MYH11: variants seen among roughly 807,000 people sequenced by gnomAD.
MYH11 encodes the protein myosin-11.
MYH11 carries 80 observed loss-of-function variants against 246.6 expected under a neutral mutation model. The observed-to-expected ratio is 0.32, with a 90% CI of 0.27 to 0.39. MYH11 has a LOEUF of 0.39. Among genes scored for constraint, MYH11 ranks in the 10% least tolerant of loss-of-function variants. MYH11 has a pLI of 1.00. For missense variants in MYH11, 2,158 were observed against 2,546.8 expected (o/e 0.85, Z 3.29); for synonymous variants, 1,071 against 1,015.5 (o/e 1.05, Z -1.04).
At chr16:15,708,105 A>C (rs2039564950) in intron 40 of MYH11, among the ~76,000 whole-genome samples, 1 of 152,052 alleles carries the variant, frequency 6.6e-6, no homozygotes, top group African/African-American at 2.4e-5. Context: ...CCTCCAGAAA[A>C]GGCTCTGCCA....
chr16:15,749,158 T>C (rs983097957), intron 16 of MYH11: 1 of 151,406 alleles, frequency 6.6e-6, no homozygotes, highest in Non-Finnish European at 1.5e-5. Flanking sequence ...CCTTTTTTTT[T>C]TTTTTTTTTA....
chr16:15,853,790 A>T (rs1473123086), intron 1 of MYH11, among the ~76,000 whole-genome samples: 4 of 152,186 alleles, frequency 2.6e-5, no homozygotes, highest in Non-Finnish European at 4.4e-5. Context: ...TGGGAGACCA[A>T]GCCAGGCGAA....
chr16:15,838,269 C>G lies in MYH11; in HGVS notation c.-17G>C, dbSNP rs767563168. The stretch of plus-strand genomic sequence containing the variant: ...CTGCGCCATGGTGCCTTGTTGGTCC[C>G]CTGTGGAATAAGGTAACAGGGTCAG... On this transcript the variant is annotated splice_region_variant and 5_prime_UTR_variant, in exon 2 of 41. Transcript: ENST00000300036. 1.6e-4 allele frequency: 258 copies of G among 1,612,626 alleles called. No homozygotes were observed. The highest frequency in any genetic ancestry group is 2.1e-4 in the Non-Finnish European group (251 of 1,179,066).
chr16:15,763,760 C>CCCCCAAAAAA, intron 10 of MYH11, 36 bp downstream of exon 10: 8 of 1,192,066 alleles, frequency 6.7e-6, no homozygotes, highest in African/African-American at 1.5e-5. Context: ...CCCCCAACCC[C>CCCCCAAAAAA]AAAGTCATTG....
chr16:15,771,608 C>A lies in MYH11; in HGVS notation c.994G>T (p.Ala332Ser), dbSNP rs2042103218. Residue 332 changes from alanine to serine, a missense_variant, in exon 9 of 41, where the codon GCC (alanine) becomes TCC (serine). Coordinates refer to ENST00000300036, the MANE Select transcript of MYH11 (RefSeq NM_002474.3). ...DDEMFQETVEAMAIMGFSEEE... is the reference protein window; with the variant it reads ...DDEMFQETVESMAIMGFSEEE... ...TCGCTGAAACCCATGATTGCCATGG[C>A]CTCCACGGTTTCCTGGAACATCTCA... 12 of 1,614,018 alleles carry A rather than the reference C, an allele frequency of 7.4e-6. No individual in the cohort carries two copies. The highest frequency in any genetic ancestry group is 9.3e-6 in the Non-Finnish European group (11 of 1,180,016).
At chr16:15,745,517 T>G (rs2066465228) in intron 19 of MYH11, among the ~76,000 whole-genome samples, 1 of 151,874 alleles carries the variant, frequency 6.6e-6, no homozygotes. Flanking sequence ...CACAACTATG[T>G]GCATCATTCC....
chr16:15,790,731 T>C (rs147311803), intron 4 of MYH11, among the ~76,000 whole-genome samples: 2 of 152,280 alleles, frequency 1.3e-5, no homozygotes, highest in East Asian at 3.9e-4. Context: ...GACCACGTTA[T>C]GGCCTCCTGG....
intron 3 of MYH11, among the ~76,000 whole-genome samples, chr16:15,817,965 C>A (rs751789877): frequency 4.6e-5 from 7 of 152,192 alleles, no homozygotes; most frequent in Non-Finnish European, 8.8e-5. Context: ...TCTAATAATT[C>A]ATTGATTCAA....
At chr16:15,712,218 A>G (rs1370184921) in intron 40 of MYH11, among the ~76,000 whole-genome samples, 5 of 152,270 alleles carry the variant, frequency 3.3e-5, no homozygotes, top group African/African-American at 1.2e-4. Context: ...TTAGACATCC[A>G]TGTGGGAACG....
chr16:15,835,080 C>CAA (rs111629749), intron 2 of MYH11, among the ~76,000 whole-genome samples: 2,382 of 125,140 alleles, frequency 0.019, 67 homozygotes, highest in African/African-American at 0.068. Flanking sequence ...GCCCCCATCT[C>CAA]AAAAAAAAAA....
Position 15,732,611 on chromosome 16 carries a change from C to A in MYH11, c.3604G>T (p.Ala1202Ser). The A allele has an allele frequency of 6.2e-7, 1 of 1,614,240 alleles. No homozygotes were observed. The highest frequency in any genetic ancestry group is 8.5e-7 in the Non-Finnish European group (1 of 1,180,052). ...AQVQEMRQKH[A>S]QAVEELTEQL... Reference sequence around the variant, plus strand: ...TCTGTGAGCTCCTCCACCGCCTGTGCGTGTTTCTGCCTCATCTCCTGGACC... The same window carrying A: ...TCTGTGAGCTCCTCCACCGCCTGTGAGTGTTTCTGCCTCATCTCCTGGACC... The change falls in exon 27 of 41, where the codon GCA becomes TCA. Residue 1202 changes from alanine to serine, a missense_variant. Coordinates refer to ENST00000300036, the MANE Select transcript of MYH11 (RefSeq NM_002474.3).
chr16:15,815,571 T>G (rs550182652), intron 3 of MYH11, among the ~76,000 whole-genome samples: 1 of 152,226 alleles, frequency 6.6e-6, no homozygotes, highest in African/African-American at 2.4e-5. Flanking sequence ...ATAAAAAGAC[T>G]TCTAAGAAAA....
Position 15,776,066 on chromosome 16 carries a change from C to T in MYH11, c.889+12G>A. 1 of 1,583,072 alleles carries T rather than the reference C, an allele frequency of 6.3e-7. No individual in the cohort carries two copies. Among genetic ancestry groups the T allele is most frequent in the Non-Finnish European group, 8.7e-7 (1 of 1,151,660 alleles). Reference sequence around the variant, plus strand: ...CAAGCCATCCAATCACATGTCATTGCTAGTCACTTACTTCTCATCTTCTCC... The same window carrying T: ...CAAGCCATCCAATCACATGTCATTGTTAGTCACTTACTTCTCATCTTCTCC... On this transcript the variant is annotated intron_variant, in intron 8 of 40. Transcript: ENST00000300036.
intron 27 of MYH11, among the ~76,000 whole-genome samples, chr16:15,731,650 C>T (rs2040965153): frequency 6.6e-6 from 1 of 151,872 alleles, no homozygotes; most frequent in South Asian, 2.1e-4. Context: ...TGCCACCACA[C>T]CCAGCTAATT....
At chr16:15,731,518 G>A (rs535181346) in intron 27 of MYH11, among the ~76,000 whole-genome samples, 4 of 150,714 alleles carry the variant, frequency 2.7e-5, no homozygotes, top group Admixed American at 1.3e-4. Flanking sequence ...TTGAGATGGC[G>A]GCTCACTCTG....
chr16:15,845,705 T>C (rs1306902008), intron 1 of MYH11, among the ~76,000 whole-genome samples: 2 of 147,226 alleles, frequency 1.4e-5, no homozygotes, highest in Non-Finnish European at 3.0e-5. Context: ...TGTGTGTGTG[T>C]GTGAGAGAGA....
intron 4 of MYH11, among the ~76,000 whole-genome samples, chr16:15,797,641 T>C (rs185172814): frequency 9.3e-5 from 14 of 150,842 alleles, no homozygotes; most frequent in East Asian, 1.9e-4. Context: ...ATATTCTATA[T>C]TTTCAAATTC....
chr16:15,706,741 G>T (rs2039478616), intron 40 of MYH11, among the ~76,000 whole-genome samples: 1 of 152,040 alleles, frequency 6.6e-6, no homozygotes, highest in African/African-American at 2.4e-5. Flanking sequence ...GAGCTGGGAA[G>T]TAGTCCCTAA....
At chr16:15,815,435 TG>T (rs1208000776) in intron 3 of MYH11, among the ~76,000 whole-genome samples, 1 of 151,890 alleles carries the variant, frequency 6.6e-6, no homozygotes, top group African/African-American at 2.4e-5. Context: ...TAAAACGCAA[TG>T]GAAGGGTTAG....
Sources: allele counts gnomAD v4.1 joint callset (sites outside exome capture counted in the v4.1 genomes callset), GRCh38; gene constraint gnomAD v4.1.1; transcripts MANE v1.5; gene names NCBI Gene and HGNC (gene_info 2026-07-23, HGNC 2026-07-21).